XKR9: variants seen among roughly 807,000 people sequenced by gnomAD.
XKR9 encodes the protein XK-related protein 9.
XKR9 carries 32 observed loss-of-function variants against 32.0 expected under a neutral mutation model. That is an observed-to-expected ratio of 1.00 (90% CI 0.76 to 1.34). The LOEUF (loss-of-function observed/expected upper bound fraction) is 1.34, where lower values mean the gene tolerates loss of function less well. XKR9 is among the 40% of genes most tolerant of loss of function. XKR9 has a pLI of 0.00. For missense variants in XKR9, 546 were observed against 429.7 expected (o/e 1.27, Z -2.39); for synonymous variants, 168 against 143.4 (o/e 1.17, Z -1.22).
the XKR9 span, among the ~76,000 whole-genome samples, chr8:70,879,404 C>T: frequency 1.3e-5 from 2 of 151,752 alleles, no homozygotes; most frequent in Non-Finnish European, 2.9e-5. Flanking sequence ...AATTGATAGA[C>T]CACTAGTAAG....
chr8:70,760,707 T>G (rs1377376199), intron 2 of XKR9, among the ~76,000 whole-genome samples: 1 of 152,178 alleles, frequency 6.6e-6, no homozygotes, highest in Non-Finnish European at 1.5e-5. Flanking sequence ...TCCTGAGCTT[T>G]TAAAAAAATT....
At chr8:70,974,202 A>T in the XKR9 span, among the ~76,000 whole-genome samples, 1 of 149,418 alleles carries the variant, frequency 6.7e-6, no homozygotes, top group African/African-American at 2.5e-5. Flanking sequence ...CAGGCTTTTT[A>T]TCATTATATA....
the XKR9 span, among the ~76,000 whole-genome samples, chr8:70,797,507 T>C: frequency 1.2e-4 from 18 of 152,286 alleles, no homozygotes; most frequent in South Asian, 2.7e-3. Context: ...AAGCTACATA[T>C]ATAATCTTTA....
At chr8:70,869,390 C>T in the XKR9 span, among the ~76,000 whole-genome samples, 6 of 152,310 alleles carry the variant, frequency 3.9e-5, no homozygotes, top group East Asian at 1.9e-4. Context: ...TAAGTTACAT[C>T]TTACATGGAT....
chr8:70,981,657 A>G, the XKR9 span, among the ~76,000 whole-genome samples: 3 of 151,884 alleles, frequency 2.0e-5, no homozygotes, highest in Admixed American at 1.3e-4. Context: ...AGAGATTTTT[A>G]TCTTAGTTTG....
chr8:70,794,887 C>T (rs1247833968), downstream of XKR9, among the ~76,000 whole-genome samples: 1 of 150,380 alleles, frequency 6.6e-6, no homozygotes, highest in African/African-American at 2.5e-5. Flanking sequence ...ATAATACTAT[C>T]CTCACACAAT....
chr8:70,769,831 AT>A (rs2130229464), intron 2 of XKR9, among the ~76,000 whole-genome samples: 1 of 152,024 alleles, frequency 6.6e-6, no homozygotes, highest in Admixed American at 6.6e-5. Flanking sequence ...TCTAGTTAGC[AT>A]TTCCTGTAAC....
chr8:70,870,402 G>A, the XKR9 span, among the ~76,000 whole-genome samples: 1 of 152,150 alleles, frequency 6.6e-6, no homozygotes, highest in African/African-American at 2.4e-5. Flanking sequence ...TTGTAGCACA[G>A]AAAAGATTCA....
the XKR9 span, among the ~76,000 whole-genome samples, chr8:70,880,331 TTGTCCC>T: frequency 6.6e-6 from 1 of 152,196 alleles, no homozygotes; most frequent in Non-Finnish European, 1.5e-5. Context: ...GGAAGTCAAA[TTGTCCC>T]TGTTTGCAAA....
At chr8:70,897,694 T>A in the XKR9 span, among the ~76,000 whole-genome samples, 1 of 152,222 alleles carries the variant, frequency 6.6e-6, no homozygotes, top group African/African-American at 2.4e-5. Flanking sequence ...AAATGTCTAT[T>A]CAGACCTTTT....
chr8:70,819,238 T>C, the XKR9 span, among the ~76,000 whole-genome samples: 5 of 152,252 alleles, frequency 3.3e-5, no homozygotes, highest in Admixed American at 1.3e-4. Context: ...ATTGATAAGA[T>C]GCCTGCATAT....
At chr8:70,927,461 T>C in the XKR9 span, among the ~76,000 whole-genome samples, 19 of 152,214 alleles carry the variant, frequency 1.2e-4, no homozygotes, top group Non-Finnish European at 2.2e-4. Flanking sequence ...TTATTTCTCA[T>C]GATTCTGGAG....
the XKR9 span, among the ~76,000 whole-genome samples, chr8:70,800,815 T>G: frequency 6.6e-6 from 1 of 152,192 alleles, no homozygotes; most frequent in East Asian, 1.9e-4. Context: ...TTGGTAAGCT[T>G]TTTATACTGA....
chr8:71,047,398 T>G, the XKR9 span, among the ~76,000 whole-genome samples: 1 of 152,246 alleles, frequency 6.6e-6, no homozygotes. Flanking sequence ...AAATAGTTTT[T>G]GCATCACAAT....
chr8:71,032,292 A>T, the XKR9 span, among the ~76,000 whole-genome samples: 1 of 150,548 alleles, frequency 6.6e-6, no homozygotes, highest in African/African-American at 2.5e-5. Context: ...AAAAAAAAAA[A>T]AAAAAAAAAA....
intron 2 of XKR9, among the ~76,000 whole-genome samples, chr8:70,743,484 G>A (rs1343799920): frequency 2.0e-5 from 3 of 152,050 alleles, no homozygotes; most frequent in Non-Finnish European, 4.4e-5. Context: ...TGGTATGAAT[G>A]ATACATTTTA....
chr8:70,918,810 C>T, the XKR9 span, among the ~76,000 whole-genome samples: 2 of 98,684 alleles, frequency 2.0e-5, no homozygotes, highest in Non-Finnish European at 3.6e-5. Context: ...TGGAGTCTTG[C>T]TCTGTCGCCC....
the XKR9 span, among the ~76,000 whole-genome samples, chr8:70,850,524 T>C: frequency 6.3e-5 from 9 of 142,152 alleles, no homozygotes; most frequent in African/African-American, 2.4e-4. Flanking sequence ...TAAACATCGA[T>C]GCAAAAATCC....
intron 4 of XKR9, among the ~76,000 whole-genome samples, chr8:70,711,870 G>A: frequency 1.0e-5 from 1 of 98,184 alleles, no homozygotes; most frequent in Non-Finnish European, 2.4e-5. Flanking sequence ...AAAAAACTAT[G>A]TATTGGGTAC....
Sources: gnomAD v4.1 joint callset for allele counts (sites outside exome capture counted in the v4.1 genomes callset) on GRCh38, gnomAD v4.1.1 for gene constraint, MANE v1.5 for transcripts, NCBI Gene and HGNC (gene_info 2026-07-23, HGNC 2026-07-21) for gene names.